The following ZNF584 variants were observed in gnomAD, a reference collection of about 807,000 sequenced individuals.
ZNF584 encodes the protein zinc finger protein 584.
ZNF584 carries 12 observed loss-of-function variants against 14.7 expected under a neutral mutation model. The observed-to-expected ratio is 0.82, with a 90% CI of 0.52 to 1.32. The LOEUF (loss-of-function observed/expected upper bound fraction) is 1.32, where lower values mean the gene tolerates loss of function less well. ZNF584 is among the 40% of genes most tolerant of loss of function. The pLI is 0.00. For missense variants in ZNF584, 478 were observed against 518.8 expected (o/e 0.92, Z 0.76); for synonymous variants, 204 against 190.9 (o/e 1.07, Z -0.57).
intron 3 of ZNF584, 102 bp from the exon 4 acceptor site, chr19:58,416,709 C>T: frequency 2.1e-6 from 3 of 1,416,062 alleles, no homozygotes; most frequent in Non-Finnish European, 2.8e-6. Flanking sequence ...GCCCTTTCAG[C>T]AGTTCTATGG....
chr19:58,405,844 C>T (rs1317198214), upstream of ZNF584: 22 of 161,954 alleles, frequency 1.4e-4, no homozygotes, highest in South Asian at 1.2e-3. Flanking sequence ...CGGGCAGAGA[C>T]GCTCCTCACT....
intron 2 of ZNF584, among the ~76,000 whole-genome samples, chr19:58,414,434 G>A (rs1266180850): frequency 6.6e-6 from 1 of 151,426 alleles, no homozygotes; most frequent in Non-Finnish European, 1.5e-5. Context: ...TGCCTCCTGG[G>A]TTCACGCCAT....
Position 58,416,925 on chromosome 19 carries a change from A to G in ZNF584, c.407A>G (p.His136Arg), listed in dbSNP as rs755470627. Residue 136 changes from histidine (H) to arginine (R), a missense_variant, in exon 4 of 4, where the codon CAT becomes CGT. Physicochemically the swap from His to Arg is conservative, Grantham distance 29 (BLOSUM62 0). Transcript: ENST00000306910. Reference protein sequence around the residue: ...SEGKPRRHTEHGAAFPPGSSC... With the variant: ...SEGKPRRHTERGAAFPPGSSC... Reference sequence around the variant, plus strand: ...GGGAAACCAAGAAGGCACACTGAGCATGGGGCAGCTTTCCCACCTGGTTCC... The same window carrying G: ...GGGAAACCAAGAAGGCACACTGAGCGTGGGGCAGCTTTCCCACCTGGTTCC... 1.2e-6 allele frequency: 2 copies of G among 1,613,266 alleles called. No individual in the cohort carries two copies. The highest frequency in any genetic ancestry group is 8.5e-7 in the Non-Finnish European group (1 of 1,179,474).
Position 58,417,058 on chromosome 19 carries a change from G to T in ZNF584, c.540G>T (p.Thr180=), listed in dbSNP as rs200106028. 8.7e-6 allele frequency: 14 copies of T among 1,612,886 alleles called. No individual in the cohort carries two copies. The East Asian group carries it at 2.5e-4, about 28-fold the overall frequency. Residue 180 remains threonine, a synonymous_variant, in exon 4 of 4, where the codon ACG becomes ACT. Coordinates refer to ENST00000306910, the MANE Select transcript of ZNF584 (RefSeq NM_173548.3). ...TTGCCCTCCTTGACCATCTGATAAC[G>T]CATTCTGAAGAGAGACCCTTCAGAT... is the stretch of plus-strand genomic sequence containing the variant. ...KAFALLDHLI[T]HSEERPFRCP... is the part of the protein sequence containing the mutation.
Position 58,417,365 on chromosome 19 carries a change from T to C in ZNF584, c.847T>C (p.Ser283Pro). ...SKCGKTFSVL[S>P]TLIRHRKVHI... ...ATGTGGTAAAACCTTCAGTGTTCTG[T>C]CTACCCTCATTCGGCACCGGAAAGT... Residue 283 changes from serine (S) to proline (P), a missense_variant, in exon 4 of 4, where the codon TCT becomes CCT. Physicochemically the swap from Ser to Pro is moderately conservative, Grantham distance 74. Coordinates refer to ENST00000306910, the MANE Select transcript of ZNF584 (RefSeq NM_173548.3). 1.2e-6 allele frequency: 2 copies of C among 1,614,136 alleles called. No homozygotes were observed. The highest frequency in any genetic ancestry group is 1.7e-6 in the Non-Finnish European group (2 of 1,179,976).
rs1209057487 is a variant in ZNF584, at chr19:58,410,635, GTA to G, written c.169+552_169+553del. Among the ~76,000 whole-genome samples, 68 of 37,750 alleles carry G rather than the reference GTA, an allele frequency of 1.8e-3. 4 individuals carry two copies. Among genetic ancestry groups the G allele is most frequent in the South Asian group, 0.011 (18 of 1,672 alleles). 24.8% of individuals were successfully genotyped at this position (37,750 alleles called of 152,430 possible). On this transcript the variant is annotated intron_variant, in intron 2 of 3. Coordinates refer to ENST00000306910, the MANE Select transcript of ZNF584 (RefSeq NM_173548.3). ...TATGTGTATATATGTGTATATATGT[GTA>G]TATATATGTGTATATATGTGTATAT...
Position 58,408,995 on chromosome 19 carries a change from G to A in ZNF584, c.-153G>A. On this transcript the variant is annotated 5_prime_UTR_variant, in exon 1 of 4. Coordinates refer to ENST00000306910, the MANE Select transcript of ZNF584 (RefSeq NM_173548.3). Reference sequence around the variant, plus strand: ...CTCCGTACCGTCCTCCTTCCCAGCGGCTCCGGGAAGCGGTTCCCTGTCTTC... The same window carrying A: ...CTCCGTACCGTCCTCCTTCCCAGCGACTCCGGGAAGCGGTTCCCTGTCTTC... The A allele has an allele frequency of 3.1e-6, 3 of 975,926 alleles. No homozygotes were observed. The highest frequency in any genetic ancestry group is 4.3e-6 in the Non-Finnish European group (3 of 699,212). The allele number at this position is 975,926 out of a possible 1,614,324, so 60.5% of individuals were successfully genotyped here.
intron 1 of ZNF584, 103 bp downstream of exon 1, chr19:58,409,268 A>G (rs903444664): frequency 8.1e-5 from 104 of 1,277,526 alleles, no homozygotes; most frequent in Non-Finnish European, 1.0e-4. Context: ...GTATGATTCC[A>G]GGGGGAGGTC....
upstream of ZNF584, chr19:58,406,949 G>T (rs2052478190): frequency 6.6e-6 from 1 of 152,532 alleles, no homozygotes; most frequent in Non-Finnish European, 1.5e-5. Flanking sequence ...GAGGATATGG[G>T]GTCAGCTGAG....
At chr19:58,407,922 T>C (rs921545915), upstream of ZNF584, among the ~76,000 whole-genome samples, 1 of 152,208 alleles carries the variant, frequency 6.6e-6, no homozygotes, top group African/African-American at 2.4e-5. Context: ...CATGGCCTGA[T>C]ATGGGGTAGA....
chr19:58,417,435 T>A lies in ZNF584; in HGVS notation c.917T>A (p.Phe306Tyr). 6.2e-7 allele frequency: 1 copy of A among 1,603,228 alleles called. No homozygotes were observed. The highest frequency in any genetic ancestry group is 8.5e-7 in the Non-Finnish European group (1 of 1,171,204). The change falls in exon 4 of 4, where the codon TTC (phenylalanine) becomes TAC (tyrosine). Residue 306 changes from phenylalanine (F) to tyrosine (Y), a missense_variant. Around this residue, in one of 3 missense-constraint regions of ZNF584, gnomAD observed 283 missense variants for 317.3 expected, o/e 0.89. Transcript: ENST00000306910. The part of the protein sequence containing the change: ...RPYECTECGK[F>Y]FKYNNSFILH... ...TATGAGTGTACAGAATGTGGGAAGT[T>A]CTTTAAATACAATAATAGCTTCATT...
At chr19:58,416,150 T>G in intron 3 of ZNF584, 1 of 541,812 alleles carries the variant, frequency 1.8e-6, no homozygotes, top group Non-Finnish European at 3.2e-6. Context: ...TCATCTCAGT[T>G]GAGGTTTTCC....
In ZNF584 at chr19:58,417,053, A is replaced by G. The variant is rs747753810; in HGVS notation, c.535A>G (p.Ile179Val). The change falls in exon 4 of 4, where the codon ATA becomes GTA. Residue 179 changes from isoleucine (I) to valine (V), a missense_variant. Transcript: ENST00000306910. The stretch of plus-strand genomic sequence containing the variant: ...GGCCTTTGCCCTCCTTGACCATCTG[A>G]TAACGCATTCTGAAGAGAGACCCTT... Reference protein sequence around the residue: ...LKAFALLDHLITHSEERPFRC... With the variant: ...LKAFALLDHLVTHSEERPFRC... The G allele has an allele frequency of 3.1e-6, 5 of 1,612,936 alleles. No homozygotes were observed. Among genetic ancestry groups the G allele is most frequent in the Non-Finnish European group, 4.2e-6 (5 of 1,179,184 alleles).
chr19:58,407,854 C>T (rs2052487418), upstream of ZNF584, among the ~76,000 whole-genome samples: 1 of 152,222 alleles, frequency 6.6e-6, no homozygotes, highest in Admixed American at 6.5e-5. Flanking sequence ...ACCCCGTGCT[C>T]TGACGTACTC....
chr19:58,415,680 G>A (rs372287387), intron 3 of ZNF584, 34 bp downstream of exon 3: 4 of 1,608,732 alleles, frequency 2.5e-6, no homozygotes, highest in Admixed American at 3.3e-5. Flanking sequence ...CTTGGTTTCA[G>A]CAGTGGGCTC....
At chr19:58,402,768 G>A (rs888920013) in intron 1 of ZNF584, among the ~76,000 whole-genome samples, 24 of 145,626 alleles carry the variant, frequency 1.6e-4, no homozygotes, top group Admixed American at 7.1e-5. Context: ...AGGTTGCGGC[G>A]AGCCGAGATT....
chr19:58,417,530 C>G lies in ZNF584; in HGVS notation c.1012C>G (p.Arg338Gly), dbSNP rs201289952. The G allele has an allele frequency of 6.2e-7, 1 of 1,614,060 alleles. No homozygotes were observed. Among genetic ancestry groups the G allele is most frequent in the African/African-American group, 1.3e-5 (1 of 74,940 alleles). ...GCAATGTGGGAAAGGCTACGTGACCCGTTCAGGCCTCTATCAGCACTGGAA... is the reference window on the plus strand; with the variant it reads ...GCAATGTGGGAAAGGCTACGTGACCGGTTCAGGCCTCTATCAGCACTGGAA... The part of the protein sequence containing the change: ...CKQCGKGYVT[R>G]SGLYQHWKVH... The change falls in exon 4 of 4, where the codon CGT (arginine) becomes GGT (glycine). Residue 338 changes from arginine to glycine, a missense_variant. Transcript: ENST00000306910.
chr19:58,410,653 ATG>A lies in ZNF584; in HGVS notation c.169+566_169+567del, dbSNP rs1228209418. Among the ~76,000 whole-genome samples, 39 of 24,700 alleles carry A rather than the reference ATG, an allele frequency of 1.6e-3. 4 individuals carry two copies. Among genetic ancestry groups the A allele is most frequent in the East Asian group, 2.7e-3 (4 of 1,504 alleles). 16.2% of individuals were successfully genotyped at this position (24,700 alleles called of 152,430 possible). A position where few individuals can be genotyped will look rare whatever the true frequency, so the allele number is the denominator to read the frequency against. On this transcript the variant is annotated intron_variant, in intron 2 of 3. Transcript: ENST00000306910. ...TATATGTGTATATATATGTGTATAT[ATG>A]TGTATATATGTATATATGTGTATAT...
At position 58,410,083 on chromosome 19, in the gene ZNF584, G is replaced by T; in HGVS notation, c.161G>T (p.Ser54Ile). The T allele has an allele frequency of 6.2e-7, 1 of 1,610,276 alleles. No homozygotes were observed. The highest frequency in any genetic ancestry group is 8.5e-7 in the Non-Finnish European group (1 of 1,178,134). Residue 54 changes from serine (S) to isoleucine (I), a missense_variant, in exon 2 of 4, where the codon AGC becomes ATC. Around this residue, in one of 3 missense-constraint regions of ZNF584, gnomAD observed 189 missense variants for 177.9 expected, o/e 1.06. Coordinates refer to ENST00000306910, the MANE Select transcript of ZNF584 (RefSeq NM_173548.3). ...ATGCTGGAGAACTTTGCACTCGTTA[G>T]CTCACTGGGTAAGTCTCTTACACTG... is the stretch of plus-strand genomic sequence containing the variant. ...DVMLENFALV[S>I]SLGLAPSRSP...
Sources: gnomAD v4.1 joint callset for allele counts (sites outside exome capture counted in the v4.1 genomes callset) on GRCh38, gnomAD v4.1.1 for gene constraint, gnomAD v4.1.1 regional missense constraint, MANE v1.5 for transcripts, NCBI Gene and HGNC (gene_info 2026-07-23, HGNC 2026-07-21) for gene names.